The following ABCC4 variants were observed in gnomAD, a reference collection of about 807,000 sequenced individuals.
ABCC4 encodes the protein ATP-binding cassette sub-family C member 4.
A neutral mutation model predicts 168.5 loss-of-function variants in ABCC4; 102 were observed. That is an observed-to-expected ratio of 0.61 (90% CI 0.52 to 0.71). The LOEUF (loss-of-function observed/expected upper bound fraction) is 0.71. Among genes scored for constraint, ABCC4 ranks in the 30% least tolerant of loss-of-function variants. The probability of loss-of-function intolerance (pLI) is 0.00; values close to 1 mark genes in which losing one functional copy is unlikely to be tolerated. For missense variants in ABCC4, 1,402 were observed against 1,605.8 expected, an observed-to-expected ratio of 0.87 and a Z score of 2.17; for synonymous variants, 617 against 590.7, an observed-to-expected ratio of 1.04 and a Z score of -0.65.
At chr13:95,193,771 G>C (rs1184899447) in intron 9 of ABCC4, among the ~76,000 whole-genome samples, 5 of 152,182 alleles carry the variant, frequency 3.3e-5, no homozygotes, top group South Asian at 2.1e-4. Context: ...AACCAAGCAG[G>C]CAACCATGGG....
Position 95,083,130 on chromosome 13 carries a change from C to T in ABCC4, c.2686+10G>A. On this transcript the variant is annotated intron_variant, in intron 21 of 30. Transcript: ENST00000645237. ...AGCATGTCTATACCAACCCGAGTTT[C>T]CATACTCACTTGTAGATTCCAGGCG... 2 of 1,613,186 alleles carry T rather than the reference C, an allele frequency of 1.2e-6. No individual in the cohort carries two copies. The highest frequency in any genetic ancestry group is 2.2e-5 in the South Asian group (2 of 90,978).
intron 19 of ABCC4, among the ~76,000 whole-genome samples, chr13:95,151,876 T>C (rs961918415): frequency 2.6e-5 from 4 of 152,300 alleles, no homozygotes; most frequent in East Asian, 3.9e-4. Flanking sequence ...CCTAGCAGAA[T>C]TGGGGCATCT....
chr13:95,203,336 CTTT>C (rs35053264), intron 8 of ABCC4, among the ~76,000 whole-genome samples: 34 of 126,678 alleles, frequency 2.7e-4, no homozygotes, highest in Admixed American at 4.8e-4. Context: ...TCAGGAGGCT[CTTT>C]TTTTTTTTTT....
intron 1 of ABCC4, among the ~76,000 whole-genome samples, chr13:95,259,970 A>G (rs1268275711): frequency 3.3e-5 from 5 of 152,028 alleles, no homozygotes; most frequent in Non-Finnish European, 7.3e-5. Flanking sequence ...TCTGTACAGC[A>G]GAGTTTCTCA....
chr13:95,091,749 AAAAC>A (rs1339368494), intron 20 of ABCC4, among the ~76,000 whole-genome samples: 6 of 145,124 alleles, frequency 4.1e-5, no homozygotes, highest in African/African-American at 1.0e-4. Context: ...TTAAAAAGCA[AAAAC>A]AAACAAAAAA....
intron 4 of ABCC4, among the ~76,000 whole-genome samples, chr13:95,213,481 C>A (rs1018494092): frequency 3.3e-5 from 5 of 152,148 alleles, no homozygotes; most frequent in African/African-American, 7.2e-5. Context: ...TAGGGATTTA[C>A]CCAGGGTACT....
At chr13:95,119,096 C>T (rs2035475290) in intron 19 of ABCC4, among the ~76,000 whole-genome samples, 1 of 152,170 alleles carries the variant, frequency 6.6e-6, no homozygotes, top group Admixed American at 6.5e-5. Context: ...TAGGTATTAT[C>T]TGCATATCTC....
At chr13:95,023,762 A>C (rs2031232517) in intron 30 of ABCC4, among the ~76,000 whole-genome samples, 1 of 152,214 alleles carries the variant, frequency 6.6e-6, no homozygotes, top group Non-Finnish European at 1.5e-5. Flanking sequence ...GCATTTAGGA[A>C]TCCCTCTGGT....
In ABCC4 at chr13:95,085,102, A is replaced by G. The variant is rs146713253; in HGVS notation, c.2536-1812T>C. Among the ~76,000 whole-genome samples the G allele has an allele frequency of 2.2e-4, 34 of 152,322 alleles. 1 individual carries two copies. In the East Asian group the frequency reaches 6.6e-3, roughly 29 times the overall value. ...AGGCCTCCAAAGTTCACTGTCTTAC[A>G]TAAAAGTACATGACTTCAGCAGAAA... On this transcript the variant is annotated intron_variant, in intron 20 of 30. Coordinates refer to ENST00000645237, the MANE Select transcript of ABCC4 (RefSeq NM_005845.5).
In ABCC4 at chr13:95,047,512, C is replaced by T. The variant is rs961541134; in HGVS notation, c.3457-3074G>A. Among the ~76,000 whole-genome samples the T allele has an allele frequency of 1.4e-4, 10 of 69,144 alleles. No homozygotes were observed. The South Asian group carries it at 3.9e-3, about 27-fold the overall frequency. The allele number at this position is 69,144 out of a possible 152,430, so 45.4% of individuals were successfully genotyped here. ...TTTTTTTTTTTGAGGTGGATTCTTG[C>T]TCTGTCACCCAGGTTGGAGTGCAGT... On this transcript the variant is annotated intron_variant, in intron 27 of 30. Coordinates refer to ENST00000645237, the MANE Select transcript of ABCC4 (RefSeq NM_005845.5).
At chr13:95,092,344 C>G (rs1028082643) in intron 20 of ABCC4, among the ~76,000 whole-genome samples, 1 of 152,124 alleles carries the variant, frequency 6.6e-6, no homozygotes, top group African/African-American at 2.4e-5. Flanking sequence ...TTTCATCCAA[C>G]AACTGCAGAA....
At chr13:95,277,387 C>G (rs1354470824) in intron 1 of ABCC4, among the ~76,000 whole-genome samples, 1 of 152,036 alleles carries the variant, frequency 6.6e-6, no homozygotes, top group African/African-American at 2.4e-5. Flanking sequence ...TCGAGACCAG[C>G]CTGGCCAACA....
chr13:95,171,911 A>G (rs1392275032), intron 13 of ABCC4, among the ~76,000 whole-genome samples: 1 of 152,146 alleles, frequency 6.6e-6, no homozygotes, highest in Non-Finnish European at 1.5e-5. Context: ...ACCCCTCTTC[A>G]GGTTTAGTAC....
chr13:95,166,169 C>G lies in ABCC4; in HGVS notation c.2023G>C (p.Glu675Gln). The change falls in exon 15 of 31, where the codon GAG becomes CAG. Residue 675 changes from glutamate (E) to glutamine (Q), a missense_variant. This residue lies in a region of ABCC4 where 1,007 missense variants were observed against 1,127.3 expected (regional missense o/e 0.89). Transcript: ENST00000645237. Reference protein sequence around the residue: ...SRPSLKDGALESQDTENVPVT... With the variant: ...SRPSLKDGALQSQDTENVPVT... Reference sequence around the variant, plus strand: ...GGAGGTGAACTCACATCTTGGCTCTCCAGAGCACCATCTTTCAAGGAGGGT... The same window carrying G: ...GGAGGTGAACTCACATCTTGGCTCTGCAGAGCACCATCTTTCAAGGAGGGT... 6.2e-7 allele frequency: 1 copy of G among 1,613,990 alleles called. No individual in the cohort carries two copies. Among genetic ancestry groups the G allele is most frequent in the Non-Finnish European group, 8.5e-7 (1 of 1,179,908 alleles).
chr13:95,152,236 T>C, intron 19 of ABCC4, among the ~76,000 whole-genome samples: 1 of 152,186 alleles, frequency 6.6e-6, no homozygotes, highest in East Asian at 1.9e-4. Context: ...AACTGTACTT[T>C]TGAAAAAGAA....
chr13:95,102,848 T>C (rs1361458281), intron 20 of ABCC4, among the ~76,000 whole-genome samples: 2 of 150,950 alleles, frequency 1.3e-5, no homozygotes, highest in Non-Finnish European at 3.0e-5. Context: ...CTCAAACTCC[T>C]GACCTCAAGT....
intron 10 of ABCC4, among the ~76,000 whole-genome samples, chr13:95,187,516 T>A (rs993950535): frequency 5.9e-5 from 9 of 152,100 alleles, no homozygotes; most frequent in Non-Finnish European, 1.0e-4. Flanking sequence ...GGCATGAGAA[T>A]CACTTGAACC....
intron 1 of ABCC4, among the ~76,000 whole-genome samples, chr13:95,250,126 A>G (rs952958537): frequency 6.6e-6 from 1 of 152,194 alleles, no homozygotes; most frequent in African/African-American, 2.4e-5. Flanking sequence ...ATTATCTTTG[A>G]CCATCTATGT....
Position 95,169,657 on chromosome 13 carries a change from T to C in ABCC4, c.1824+875A>G, listed in dbSNP as rs550536608. ...CAACCCCACCCCTCCATTTCCTTCC[T>C]TGCATCTATCTCCAGGAAGAATGTC... On this transcript the variant is annotated intron_variant, in intron 14 of 30. Transcript: ENST00000645237. 3.3e-5 allele frequency among the ~76,000 whole-genome samples: 5 copies of C among 152,210 alleles called. No individual in the cohort carries two copies. The East Asian group carries it at 9.7e-4, about 29-fold the overall frequency.
Sources: allele counts gnomAD v4.1 joint callset (sites outside exome capture counted in the v4.1 genomes callset), GRCh38; gene constraint gnomAD v4.1.1; regional missense constraint gnomAD v4.1.1; transcripts MANE v1.5; gene names NCBI Gene and HGNC (gene_info 2026-07-23, HGNC 2026-07-21).